BTBD16: variants seen among roughly 807,000 people sequenced by gnomAD.
BTBD16 encodes BTB domain containing 16, also known as BTB/POZ domain-containing protein 16.
In BTBD16, 66 loss-of-function variants were observed where a neutral mutation model predicts 67.4. The ratio of observed to expected loss-of-function variants is 0.98; its 90% CI spans 0.80 to 1.20. BTBD16 has a LOEUF of 1.20. Ranked by LOEUF, BTBD16 falls within the 50% of genes most tolerant of loss-of-function variation. BTBD16 has a pLI of 0.00. For synonymous variants in BTBD16, 242 were observed against 236.4 expected, an observed-to-expected ratio of 1.02 and a Z score of -0.22; for missense variants, 634 against 616.0, an observed-to-expected ratio of 1.03 and a Z score of -0.31.
chr10:122,271,704 C>T (rs2096329008), intron 1 of BTBD16, among the ~76,000 whole-genome samples, 190 bp downstream of exon 1: 1 of 152,124 alleles, frequency 6.6e-6, no homozygotes, highest in African/African-American at 2.4e-5. Flanking sequence ...CTCCTGCCCG[C>T]CCACAGGGAC....
chr10:122,289,426 A>C (rs2096369741), intron 5 of BTBD16, among the ~76,000 whole-genome samples: 1 of 152,130 alleles, frequency 6.6e-6, no homozygotes, highest in East Asian at 1.9e-4. Flanking sequence ...AACTATTTCA[A>C]AGTAAATAAG....
intron 7 of BTBD16, 176 bp downstream of exon 7, chr10:122,291,370 G>C: frequency 1.4e-6 from 1 of 732,680 alleles, no homozygotes; most frequent in Non-Finnish European, 2.0e-6. Context: ...ACACTAACAG[G>C]TGAGCCATCT....
Position 122,293,178 on chromosome 10 carries a change from C to T in BTBD16, c.590+1984C>T, listed in dbSNP as rs74649486. On this transcript the variant is annotated intron_variant, in intron 7 of 15. Coordinates refer to ENST00000260723, the MANE Select transcript of BTBD16 (RefSeq NM_144587.5). ...TTTTGTTTACTTCTTAAACCTCAGG[C>T]TCATTATCTGACTGAATGAAGGAAT... Among the ~76,000 whole-genome samples the T allele has an allele frequency of 3.6e-3, 554 of 152,270 alleles. 3 individuals are homozygous for T. Among genetic ancestry groups the T allele is most frequent in the African/African-American group, 0.013 (522 of 41,534 alleles).
At chr10:122,320,957 G>T (rs1161267382) in intron 10 of BTBD16, among the ~76,000 whole-genome samples, 1 of 151,936 alleles carries the variant, frequency 6.6e-6, no homozygotes, top group East Asian at 1.9e-4. Context: ...CTGTCACCCA[G>T]GTACTGAGCA....
intron 12 of BTBD16, among the ~76,000 whole-genome samples, chr10:122,331,501 A>G (rs2096455039): frequency 6.6e-6 from 1 of 152,158 alleles, no homozygotes; most frequent in South Asian, 2.1e-4. Flanking sequence ...GGTACAGATT[A>G]ACAAACGTTT....
chr10:122,331,164 G>A lies in BTBD16; in HGVS notation c.1004-12G>A, dbSNP rs201298045. On this transcript the variant is annotated splice_polypyrimidine_tract_variant and intron_variant, in intron 11 of 15. Transcript: ENST00000260723. ...TAAAACTAAAAAACATTCTCTTTGC[G>A]TTTCTTCCCAGGCAAGGATCTGGAG... The A allele has an allele frequency of 8.7e-6, 14 of 1,606,028 alleles. No individual in the cohort carries two copies. The highest frequency in any genetic ancestry group is 7.8e-5 in the South Asian group (7 of 89,308).
chr10:122,273,067 A>G (rs542981775), intron 1 of BTBD16, among the ~76,000 whole-genome samples: 1 of 152,234 alleles, frequency 6.6e-6, no homozygotes, highest in African/African-American at 2.4e-5. Flanking sequence ...TGTGAAAAAA[A>G]TGACAACACT....
At position 122,297,736 on chromosome 10, in the gene BTBD16, T is replaced by C. The variant is rs756507383; in HGVS notation, c.591-32T>C. On this transcript the variant is annotated intron_variant, in intron 7 of 15. Transcript: ENST00000260723. ...CCGCTTCTCCAAAAGCAGTGTGGGGTTCCTCCAGAAACTGCAGTTCTCTCT... is the reference window on the plus strand; with the variant it reads ...CCGCTTCTCCAAAAGCAGTGTGGGGCTCCTCCAGAAACTGCAGTTCTCTCT... 11 of 1,612,082 alleles carry C rather than the reference T, an allele frequency of 6.8e-6. No homozygotes were observed. The Admixed American group carries it at 1.3e-4, about 20-fold the overall frequency.
chr10:122,276,663 C>T, intron 2 of BTBD16, 128 bp from the exon 3 acceptor site: 1 of 1,211,656 alleles, frequency 8.3e-7, no homozygotes, highest in East Asian at 2.4e-5. Context: ...AAATATTAGC[C>T]ATGTTCAAAA....
chr10:122,313,874 C>T (rs2096418962), intron 10 of BTBD16, among the ~76,000 whole-genome samples: 1 of 152,178 alleles, frequency 6.6e-6, no homozygotes, highest in South Asian at 2.1e-4. Flanking sequence ...ATATGTATGA[C>T]ATATACATCA....
At position 122,299,074 on chromosome 10, in the gene BTBD16, C is replaced by T. The variant is rs536391759; in HGVS notation, c.731C>T (p.Thr244Met). The T allele has an allele frequency of 7.2e-5, 116 of 1,613,952 alleles. 2 individuals are homozygous for T. The South Asian group carries it at 9.8e-4, about 14-fold the overall frequency. Residue 244 changes from threonine to methionine, a missense_variant, in exon 9 of 16, where the codon ACG becomes ATG. Transcript: ENST00000260723. ...LEMNLVPLGG[T>M]QIHLHKIPQD... ...ATGAACTTGGTTCCTCTAGGGGGGACGCAGATCCACCTCCACAAAATCCCA... is the reference window on the plus strand; with the variant it reads ...ATGAACTTGGTTCCTCTAGGGGGGATGCAGATCCACCTCCACAAAATCCCA...
At position 122,338,084 on chromosome 10, in the gene BTBD16, G is replaced by A. The variant is rs1483425123; in HGVS notation, c.1520G>A (p.Ter507=). 21 of 1,597,482 alleles carry A rather than the reference G, an allele frequency of 1.3e-5. No individual in the cohort carries two copies. Among genetic ancestry groups the A allele is most frequent in the African/African-American group, 4.0e-5 (3 of 74,452 alleles). The change falls in exon 16 of 16, where the codon TGA becomes TAA. Residue 507 remains the stop codon, a stop_retained_variant. Transcript: ENST00000260723. ...TTTGCATTCATCTTCCCAGCATCTT[G>A]ACAGTTTCCAGAAGAATCTATGGGA... ...VSFAFIFPAS[*]
chr10:122,303,017 T>A lies in BTBD16; in HGVS notation c.791+3883T>A, dbSNP rs533223543. On this transcript the variant is annotated intron_variant, in intron 9 of 15. Coordinates refer to ENST00000260723, the MANE Select transcript of BTBD16 (RefSeq NM_144587.5). ...TGGTCAAGAACAATAGGAATATTAA[T>A]ATTTTTACTGTTAAAAAAAGTATAT... is the stretch of plus-strand genomic sequence containing the variant. Among the ~76,000 whole-genome samples, 7 of 152,312 alleles carry A rather than the reference T, an allele frequency of 4.6e-5. No individual in the cohort carries two copies. In the South Asian group the frequency reaches 1.0e-3, roughly 23 times the overall value.
At chr10:122,292,836 G>A (rs771927985) in intron 7 of BTBD16, among the ~76,000 whole-genome samples, 9 of 152,210 alleles carry the variant, frequency 5.9e-5, no homozygotes, top group Non-Finnish European at 1.2e-4. Flanking sequence ...GTTGTGCTAT[G>A]TATTATTAAG....
intron 3 of BTBD16, among the ~76,000 whole-genome samples, chr10:122,279,511 A>AACACACACACACACACAC (rs143637448): frequency 0.033 from 4,697 of 143,882 alleles, 91 homozygotes; most frequent in East Asian, 0.043. Context: ...GAGAAAGAGA[A>AACACACACACACACACAC]ACACACACAC....
At chr10:122,295,494 A>C (rs2096381482) in intron 7 of BTBD16, 3 of 985,280 alleles carry the variant, frequency 3.0e-6, no homozygotes, top group African/African-American at 3.5e-5. Flanking sequence ...AGAGTGGCAG[A>C]GCCTCTGTGG....
intron 3 of BTBD16, among the ~76,000 whole-genome samples, chr10:122,281,573 G>A (rs2096353233): frequency 6.6e-6 from 1 of 152,020 alleles, no homozygotes. Flanking sequence ...CTCCATCAGG[G>A]TATTTAACAC....
rs766364961 is a variant in BTBD16, at chr10:122,334,980, G to T, written c.1263+1G>T. The T allele has an allele frequency of 1.4e-6, 2 of 1,429,578 alleles. No individual in the cohort carries two copies. Among genetic ancestry groups the T allele is most frequent in the South Asian group, 1.2e-5 (1 of 85,076 alleles). 88.6% of individuals were successfully genotyped at this position (1,429,578 alleles called of 1,614,324 possible). A position where few individuals can be genotyped will look rare whatever the true frequency, so the allele number is the denominator to read the frequency against. ...TACCTCTTATAGTTTTTACATGCAG[G>T]TAAGGATAGAGTGCATGAAAGTTAT... On this transcript the variant is annotated splice_donor_variant, in intron 14 of 15. Coordinates refer to ENST00000260723, the MANE Select transcript of BTBD16 (RefSeq NM_144587.5). LOFTEE classifies it high-confidence loss of function.
At chr10:122,304,222 A>G (rs1358017040) in intron 9 of BTBD16, among the ~76,000 whole-genome samples, 1 of 152,176 alleles carries the variant, frequency 6.6e-6, no homozygotes, top group Non-Finnish European at 1.5e-5. Context: ...AAGTCCATGC[A>G]TTTGTAGGTG....
Sources: gnomAD v4.1 joint callset for allele counts (sites outside exome capture counted in the v4.1 genomes callset) on GRCh38, gnomAD v4.1.1 for gene constraint, MANE v1.5 for transcripts, NCBI Gene and HGNC (gene_info 2026-07-23, HGNC 2026-07-21) for gene names.